Variants in LRP1 observed in about 807,000 individuals in gnomAD.
The protein encoded by LRP1 is LDL receptor related protein 1.
In LRP1, 51 loss-of-function variants were observed where a neutral mutation model predicts 541.5. The ratio of observed to expected loss-of-function variants is 0.09; its 90% CI spans 0.08 to 0.12. The LOEUF (loss-of-function observed/expected upper bound fraction) is 0.12. Ranked by LOEUF, LRP1 falls within the 10% of genes least tolerant of loss-of-function variation. The pLI is 1.00. For synonymous variants in LRP1, 2,219 were observed against 2,470.8 expected, an observed-to-expected ratio of 0.90 and a Z score of 3.02; for missense variants, 3,878 against 6,376.2, an observed-to-expected ratio of 0.61 and a Z score of 13.34.
At chr12:57,133,330 C>T (rs546009322) in intron 1 of LRP1, among the ~76,000 whole-genome samples, 3 of 151,906 alleles carry the variant, frequency 2.0e-5, no homozygotes, top group Non-Finnish European at 4.4e-5. Context: ...GGGGAGGTCA[C>T]GGGTCAGGCT....
In LRP1 at chr12:57,179,530, C is replaced by T. The variant is rs2036118713; in HGVS notation, c.4940C>T (p.Thr1647Ile). ...QAIKRAFING[T>I]GVETVVSADL... ...ATCAAGCGGGCCTTCATCAACGGCACAGGCGTGGAGACAGTCGTCTCTGCA... is the reference window on the plus strand; with the variant it reads ...ATCAAGCGGGCCTTCATCAACGGCATAGGCGTGGAGACAGTCGTCTCTGCA... Residue 1647 changes from threonine (T) to isoleucine (I), a missense_variant, in exon 29 of 89, where the codon ACA (threonine) becomes ATA (isoleucine). Thr to Ile is a moderately conservative substitution (Grantham distance 89). Around this residue, in one of 13 missense-constraint regions of LRP1, gnomAD observed 394 missense variants for 635.9 expected, o/e 0.62. Coordinates refer to ENST00000243077, the MANE Select transcript of LRP1 (RefSeq NM_002332.3). This position sits in a 1 kb window ranked among gnomAD's most constrained non-coding sequence, Gnocchi z 6.8. The T allele has an allele frequency of 2.5e-6, 4 of 1,614,162 alleles. No homozygotes were observed. The highest frequency in any genetic ancestry group is 3.4e-6 in the Non-Finnish European group (4 of 1,180,018).
chr12:57,178,775 G>A lies in LRP1; in HGVS notation c.4607-115G>A, dbSNP rs2036100764. The A allele has an allele frequency of 2.0e-6, 3 of 1,508,272 alleles. No individual in the cohort carries two copies. Among genetic ancestry groups the A allele is most frequent in the South Asian group, 2.5e-5 (2 of 79,222 alleles). The allele number at this position is 1,508,272 out of a possible 1,614,324, so 93.4% of individuals were successfully genotyped here. A position where few individuals can be genotyped will look rare whatever the true frequency, so the allele number is the denominator to read the frequency against. The stretch of plus-strand genomic sequence containing the variant: ...CTGTCTAGCAGCAGAGAAGGGTCTA[G>A]TAGTAGCGGCTGCTGGAACAGGGGG... On this transcript the variant is annotated intron_variant, in intron 27 of 88. Transcript: ENST00000243077. The surrounding 1 kb of genome is among the most constrained non-coding windows in gnomAD (Gnocchi z 5.8).
chr12:57,171,945 G>A (rs1026830609), intron 20 of LRP1, among the ~76,000 whole-genome samples: 7 of 152,058 alleles, frequency 4.6e-5, no homozygotes, highest in African/African-American at 1.7e-4. Context: ...TGCACCCTTG[G>A]AACAAATGCC....
At chr12:57,161,270 G>A (rs1346318125) in intron 13 of LRP1, among the ~76,000 whole-genome samples, 155 bp downstream of exon 13, 1 of 152,172 alleles carries the variant, frequency 6.6e-6, no homozygotes, top group East Asian at 1.9e-4. Flanking sequence ...TGCATCTATA[G>A]ATGTGTACAT....
chr12:57,138,412 T>C, intron 1 of LRP1, 47 bp from the exon 2 acceptor site: 2 of 1,604,338 alleles, frequency 1.2e-6, no homozygotes, highest in Non-Finnish European at 1.7e-6. Context: ...GTTCACAGAG[T>C]TGGCCTCCAT....
chr12:57,140,049 C>T (rs533034211), intron 2 of LRP1, among the ~76,000 whole-genome samples: 6 of 152,338 alleles, frequency 3.9e-5, no homozygotes, highest in Non-Finnish European at 5.9e-5. Context: ...TCTCATCCAT[C>T]CTCTTGAGCA....
Position 57,194,675 on chromosome 12 carries a change from C to T in LRP1, c.8167C>T (p.His2723Tyr). The T allele has an allele frequency of 1.3e-6, 2 of 1,587,132 alleles. No homozygotes were observed. Among genetic ancestry groups the T allele is most frequent in the Non-Finnish European group, 1.7e-6 (2 of 1,166,886 alleles). The change falls in exon 50 of 89, where the codon CAT becomes TAT. Residue 2723 changes from histidine (H) to tyrosine (Y), a missense_variant. Coordinates refer to ENST00000243077, the MANE Select transcript of LRP1 (RefSeq NM_002332.3). ...GTGTGACAAAGAGGATGACTGTGAACATGGCGAGGACGAGACCCACTGCAG... is the reference window on the plus strand; with the variant it reads ...GTGTGACAAAGAGGATGACTGTGAATATGGCGAGGACGAGACCCACTGCAG... ...WTCDKEDDCEHGEDETHCNKF... is the reference protein window; with the variant it reads ...WTCDKEDDCEYGEDETHCNKF...
At chr12:57,160,187 C>T (rs1565725312) in intron 12 of LRP1, among the ~76,000 whole-genome samples, 182 bp downstream of exon 12, 1 of 152,100 alleles carries the variant, frequency 6.6e-6, no homozygotes, top group Non-Finnish European at 1.5e-5. Flanking sequence ...ATTCCTTAAA[C>T]ATAGAAGAAA....
intron 6 of LRP1, among the ~76,000 whole-genome samples, chr12:57,147,926 T>A (rs2035446445): frequency 6.6e-6 from 1 of 152,054 alleles, no homozygotes; most frequent in Admixed American, 6.5e-5. Context: ...CTGGATTGGG[T>A]GGGTCATCTC....
intron 3 of LRP1, among the ~76,000 whole-genome samples, 192 bp downstream of exon 3, chr12:57,141,703 C>T (rs1028226045): frequency 6.6e-6 from 1 of 152,244 alleles, no homozygotes; most frequent in African/African-American, 2.4e-5. Context: ...CCCTGTGGGC[C>T]TCAGCCGTGG....
Position 57,202,491 on chromosome 12 carries a change from C to T in LRP1, c.10665C>T (p.Cys3555=), listed in dbSNP as rs779395653. 1.7e-5 allele frequency: 27 copies of T among 1,613,458 alleles called. No homozygotes were observed. Among genetic ancestry groups the T allele is most frequent in the Middle Eastern group, 1.6e-4 (1 of 6,084 alleles). ...GCTGCGTGCCCGGCCGCTGGCAGTG[C>T]GACTACGACAACGATTGCGGTGACA... ...NNRCVPGRWQ[C]DYDNDCGDNS... is the part of the protein sequence containing the mutation. Residue 3555 remains cysteine, a synonymous_variant, in exon 68 of 89, where the codon TGC becomes TGT. Coordinates refer to ENST00000243077, the MANE Select transcript of LRP1 (RefSeq NM_002332.3).
At position 57,205,358 on chromosome 12, in the gene LRP1, G is replaced by A; in HGVS notation, c.11343G>A (p.Lys3781=). ...SDEEDCSIDP[K]LTSCATNASI... ...ACTCTCTGTCCCCCACAGACCCCAA[G>A]CTGACCAGCTGCGCCACCAATGCCA... Residue 3781 remains lysine (K), a synonymous_variant, in exon 74 of 89, where the codon AAG becomes AAA. Transcript: ENST00000243077. This position sits in a 1 kb window ranked among gnomAD's most constrained non-coding sequence, Gnocchi z 4.6. The A allele has an allele frequency of 6.2e-7, 1 of 1,606,214 alleles. No homozygotes were observed. Among genetic ancestry groups the A allele is most frequent in the Non-Finnish European group, 8.5e-7 (1 of 1,177,644 alleles).
chr12:57,204,868 G>A lies in LRP1; in HGVS notation c.11194+119G>A, dbSNP rs2036737103. The A allele has an allele frequency of 1.3e-6, 2 of 1,489,592 alleles. No individual in the cohort carries two copies. The highest frequency in any genetic ancestry group is 1.8e-6 in the Non-Finnish European group (2 of 1,101,162). The allele number at this position is 1,489,592 out of a possible 1,614,324, so 92.3% of individuals were successfully genotyped here. ...AACCAGGAGGACTCGCCCAGGAAGGGGAGGATCCATTGCTAGGAGCCTGGG... is the reference window on the plus strand; with the variant it reads ...AACCAGGAGGACTCGCCCAGGAAGGAGAGGATCCATTGCTAGGAGCCTGGG... On this transcript the variant is annotated intron_variant, in intron 72 of 88. Coordinates refer to ENST00000243077, the MANE Select transcript of LRP1 (RefSeq NM_002332.3). This position sits in a 1 kb window ranked among gnomAD's most constrained non-coding sequence, Gnocchi z 5.3.
chr12:57,166,426 T>C, intron 17 of LRP1: 1 of 555,466 alleles, frequency 1.8e-6, no homozygotes, highest in Non-Finnish European at 3.1e-6. Flanking sequence ...CCGGGCGTGG[T>C]GGCGTGCACC....
In LRP1 at chr12:57,194,989, G is replaced by A; in HGVS notation, c.8196G>A (p.Lys2732=). ...EHGEDETHCN[K]FCSEAQFECQ... Reference sequence around the variant, plus strand: ...TGTGGCTTCTGACTGCCCCAGACAAGTTCTGCTCAGAGGCCCAGTTTGAGT... The same window carrying A: ...TGTGGCTTCTGACTGCCCCAGACAAATTCTGCTCAGAGGCCCAGTTTGAGT... Residue 2732 remains lysine, a synonymous_variant, in exon 51 of 89, where the codon AAG becomes AAA. Coordinates refer to ENST00000243077, the MANE Select transcript of LRP1 (RefSeq NM_002332.3). The A allele has an allele frequency of 6.2e-7, 1 of 1,613,694 alleles. No individual in the cohort carries two copies. Among genetic ancestry groups the A allele is most frequent in the Non-Finnish European group, 8.5e-7 (1 of 1,179,670 alleles).
chr12:57,162,462 G>A lies in LRP1; in HGVS notation c.2348G>A (p.Arg783His), dbSNP rs374731359. The change falls in exon 14 of 89, where the codon CGC becomes CAC. Residue 783 changes from arginine to histidine, a missense_variant. By Grantham distance (29) the Arg-to-His change is conservative (BLOSUM62 0). Around this residue, in one of 13 missense-constraint regions of LRP1, gnomAD observed 496 missense variants for 861.0 expected, o/e 0.58. Transcript: ENST00000243077. The surrounding 1 kb of genome is among the most constrained non-coding windows in gnomAD (Gnocchi z 5.2). ...GGAPPTVTLL[R>H]SERPPIFEIR... ...GCACCCCCCACTGTGACCCTTCTGC[G>A]CAGTGAGCGGCCCCCCATCTTTGAG... 90 of 1,613,982 alleles carry A rather than the reference G, an allele frequency of 5.6e-5. No individual in the cohort carries two copies. Among genetic ancestry groups the A allele is most frequent in the Non-Finnish European group, 6.9e-5 (81 of 1,180,026 alleles).
chr12:57,163,578 C>CAA (rs541782465), intron 15 of LRP1, among the ~76,000 whole-genome samples: 6 of 108,172 alleles, frequency 5.5e-5, no homozygotes, highest in African/African-American at 2.0e-4. Context: ...GACTCTGTCT[C>CAA]AAAAAAAAAA....
At chr12:57,166,343 C>G in intron 17 of LRP1, 134 bp downstream of exon 17, 4 of 1,236,396 alleles carry the variant, frequency 3.2e-6, no homozygotes, top group Non-Finnish European at 4.4e-6. Flanking sequence ...TCACTTGAGC[C>G]CAGGAGCTCA....
At position 57,158,971 on chromosome 12, in the gene LRP1, A is replaced by C. The variant is rs755300552; in HGVS notation, c.1798+333A>C. Among the ~76,000 whole-genome samples, 1 of 152,208 alleles carries C rather than the reference A, an allele frequency of 6.6e-6. No homozygotes were observed. Among genetic ancestry groups the C allele is most frequent in the Non-Finnish European group, 1.5e-5 (1 of 68,028 alleles). On this transcript the variant is annotated intron_variant, in intron 11 of 88. Coordinates refer to ENST00000243077, the MANE Select transcript of LRP1 (RefSeq NM_002332.3). This position sits in a 1 kb window ranked among gnomAD's most constrained non-coding sequence, Gnocchi z 5.3. ...GTCTTGAATTGGAGACAGGCCTGCC[A>C]GATCAAAACAGGGCACACCCACATG...
Sources: gnomAD v4.1 joint callset for allele counts (sites outside exome capture counted in the v4.1 genomes callset) on GRCh38, gnomAD v4.1.1 for gene constraint, gnomAD v4.1.1 regional missense constraint, Gnocchi (gnomAD v3.1) non-coding constraint, MANE v1.5 for transcripts, NCBI Gene and HGNC (gene_info 2026-07-23, HGNC 2026-07-21) for gene names.